TECRL: variants seen among roughly 807,000 people sequenced by gnomAD.
The protein encoded by TECRL is trans-2,3-enoyl-CoA reductase-like.
Under a neutral mutation model 52.8 loss-of-function variants are expected in TECRL, and 63 were observed. The ratio of observed to expected loss-of-function variants is 1.19; its 90% confidence interval spans 0.97 to 1.47. TECRL has a LOEUF of 1.47. Among genes scored for constraint, TECRL ranks in the 40% most tolerant of loss-of-function variants. The probability of loss-of-function intolerance (pLI) is 0.00; values close to 1 mark genes in which losing one functional copy is unlikely to be tolerated. For missense variants in TECRL, 482 were observed against 429.6 expected (o/e 1.12, Z -1.08); for synonymous variants, 164 against 141.9 (o/e 1.16, Z -1.10).
intron 4 of TECRL, among the ~76,000 whole-genome samples, chr4:64,320,976 A>G (rs1400026212): frequency 6.6e-6 from 1 of 151,748 alleles, no homozygotes; most frequent in Non-Finnish European, 1.5e-5. Flanking sequence ...TAAATCAACT[A>G]TTTTTTTTCA....
At chr4:64,287,980 C>T (rs1342251148) in intron 9 of TECRL, among the ~76,000 whole-genome samples, 1 of 151,904 alleles carries the variant, frequency 6.6e-6, no homozygotes, top group African/African-American at 2.4e-5. Context: ...AACCCTGTCT[C>T]TACTAAAAAT....
At chr4:64,334,043 A>AAG (rs1718862223) in intron 2 of TECRL, among the ~76,000 whole-genome samples, 2 of 143,678 alleles carry the variant, frequency 1.4e-5, no homozygotes, top group African/African-American at 2.5e-5. Context: ...AAAAAAAAAA[A>AAG]AAAAAAGAAA....
At chr4:64,394,267 C>T (rs1337231966) in intron 1 of TECRL, among the ~76,000 whole-genome samples, 9 of 152,106 alleles carry the variant, frequency 5.9e-5, no homozygotes, top group South Asian at 2.1e-4. Context: ...TGGCAGGTAG[C>T]GTAGCCTATG....
At chr4:64,307,752 T>C (rs1054746716) in intron 6 of TECRL, among the ~76,000 whole-genome samples, 7 of 152,118 alleles carry the variant, frequency 4.6e-5, no homozygotes, top group Non-Finnish European at 8.8e-5. Context: ...AAAAGGATGA[T>C]ATGTTACTCT....
chr4:64,291,606 T>C (rs1484983976), intron 8 of TECRL, among the ~76,000 whole-genome samples: 1 of 151,976 alleles, frequency 6.6e-6, no homozygotes, highest in Admixed American at 6.6e-5. Flanking sequence ...TCATACTCAT[T>C]CAAACATCAA....
chr4:64,323,230 C>CA (rs532184669), intron 3 of TECRL, among the ~76,000 whole-genome samples: 131 of 151,526 alleles, frequency 8.6e-4, no homozygotes, highest in African/African-American at 3.0e-3. Context: ...CCTGTCTCTA[C>CA]AAAAAAACAG....
In TECRL at chr4:64,398,188, G is replaced by A. The variant is rs2109770586; in HGVS notation, c.234+10930C>T. On this transcript the variant is annotated intron_variant, in intron 1 of 11. Coordinates refer to ENST00000381210, the MANE Select transcript of TECRL (RefSeq NM_001010874.5). ...TGTCCTAATTTATTCAAGGCTCTGT[G>A]CCATAGCCATTTCCTAGGGAAAATT... Among the ~76,000 whole-genome samples, 2 of 152,148 alleles carry A rather than the reference G, an allele frequency of 1.3e-5. 1 individual carries two copies. The highest frequency in any genetic ancestry group is 4.2e-4 in the South Asian group (2 of 4,810).
intron 3 of TECRL, among the ~76,000 whole-genome samples, chr4:64,324,021 CA>C (rs1420264803): frequency 6.6e-6 from 1 of 152,004 alleles, no homozygotes; most frequent in East Asian, 1.9e-4. Context: ...GTGTATTCAG[CA>C]TGGAAAGAAA....
At chr4:64,352,906 A>T (rs139004187) in intron 2 of TECRL, among the ~76,000 whole-genome samples, 8 of 152,304 alleles carry the variant, frequency 5.3e-5, no homozygotes, top group African/African-American at 1.9e-4. Flanking sequence ...TTGTTTTTAC[A>T]GATGGAGTCT....
intron 9 of TECRL, among the ~76,000 whole-genome samples, chr4:64,283,481 C>A (rs918929938): frequency 3.3e-5 from 5 of 152,032 alleles, no homozygotes; most frequent in Non-Finnish European, 7.4e-5. Context: ...GTGTAAAAAT[C>A]TTTTACTACT....
At chr4:64,370,552 T>C (rs867279372) in intron 2 of TECRL, among the ~76,000 whole-genome samples, 14 of 151,798 alleles carry the variant, frequency 9.2e-5, no homozygotes, top group Admixed American at 6.6e-4. Flanking sequence ...ATAATTTTTA[T>C]CAATTTGACT....
intron 2 of TECRL, among the ~76,000 whole-genome samples, chr4:64,367,103 A>G (rs1024698242): frequency 5.3e-5 from 8 of 152,138 alleles, no homozygotes; most frequent in African/African-American, 1.7e-4. Flanking sequence ...ATGGAGCTGG[A>G]GGCCATTATC....
At chr4:64,338,026 A>T (rs1560510276) in intron 2 of TECRL, among the ~76,000 whole-genome samples, 1 of 152,232 alleles carries the variant, frequency 6.6e-6, no homozygotes, top group Non-Finnish European at 1.5e-5. Context: ...ACCTGACTTC[A>T]AACAATACTA....
intron 9 of TECRL, among the ~76,000 whole-genome samples, chr4:64,289,144 A>G (rs1723239439): frequency 6.6e-6 from 1 of 152,188 alleles, no homozygotes; most frequent in Admixed American, 6.5e-5. Context: ...ATTTTGATTA[A>G]TAAAGATGTG....
chr4:64,397,112 A>C lies in TECRL; in HGVS notation c.234+12006T>G, dbSNP rs72640330. ...GAACTCTTATATTATAAAACAACAA[A>C]AAAAAATTTATCTTGAACTTTTTTG... On this transcript the variant is annotated intron_variant, in intron 1 of 11. Transcript: ENST00000381210. Among the ~76,000 whole-genome samples, 879 of 152,280 alleles carry C rather than the reference A, an allele frequency of 5.8e-3. 5 individuals carry two copies. The highest frequency in any genetic ancestry group is 0.032 in the South Asian group (154 of 4,830).
intron 1 of TECRL, among the ~76,000 whole-genome samples, chr4:64,405,187 T>C (rs2109792600): frequency 6.6e-6 from 1 of 152,188 alleles, no homozygotes; most frequent in East Asian, 1.9e-4. Context: ...AGGAAAAGCC[T>C]CCAGGAAATG....
intron 6 of TECRL, among the ~76,000 whole-genome samples, chr4:64,305,871 C>A (rs1001396814): frequency 2.6e-5 from 4 of 152,180 alleles, no homozygotes; most frequent in Non-Finnish European, 5.9e-5. Context: ...AGACTGAGGA[C>A]TCAGACCCAT....
chr4:64,336,316 T>A (rs1425062969), intron 2 of TECRL, among the ~76,000 whole-genome samples: 1 of 152,228 alleles, frequency 6.6e-6, no homozygotes, highest in African/African-American at 2.4e-5. Context: ...GTTTATAGTA[T>A]TCTCTGATGG....
At chr4:64,330,085 G>T (rs144114964) in intron 2 of TECRL, among the ~76,000 whole-genome samples, 1 of 151,916 alleles carries the variant, frequency 6.6e-6, no homozygotes, top group African/African-American at 2.4e-5. Flanking sequence ...CATCTATCAT[G>T]GCTTAAAGTA....
Sources: allele counts gnomAD v4.1 joint callset (sites outside exome capture counted in the v4.1 genomes callset), GRCh38; gene constraint gnomAD v4.1.1; transcripts MANE v1.5; gene names NCBI Gene and HGNC (gene_info 2026-07-23, HGNC 2026-07-21).